ZC3H12B: variants seen among roughly 807,000 people sequenced by gnomAD.
The protein encoded by ZC3H12B is probable ribonuclease ZC3H12B.
In ZC3H12B, 7 loss-of-function variants were observed where a neutral mutation model predicts 43.9. That is an observed-to-expected ratio of 0.16 (90% CI 0.09 to 0.30). The LOEUF is 0.30. ZC3H12B is among the 10% of genes least tolerant of loss of function. ZC3H12B has a pLI of 1.00. For synonymous variants in ZC3H12B, 222 were observed against 241.7 expected, an observed-to-expected ratio of 0.92 and a Z score of 0.76; for missense variants, 475 against 670.2, an observed-to-expected ratio of 0.71 and a Z score of 3.22.
At chrX:65,307,290 CA>C in the ZC3H12B span, among the ~76,000 whole-genome samples, 2 of 111,590 alleles carry the variant, frequency 1.8e-5, no homozygotes, top group Non-Finnish European at 1.9e-5. Flanking sequence ...ACTCAAAAAG[CA>C]GAGATATGTG....
the ZC3H12B span, among the ~76,000 whole-genome samples, chrX:65,068,178 TTTTA>T: frequency 9.2e-6 from 1 of 108,964 alleles, no homozygotes; most frequent in African/African-American, 3.3e-5. Flanking sequence ...CTTTTTTCTT[TTTTA>T]TTCATTCAGC....
the ZC3H12B span, among the ~76,000 whole-genome samples, chrX:65,041,584 A>T: frequency 3.6e-5 from 4 of 112,184 alleles, no homozygotes; most frequent in South Asian, 1.5e-3. Flanking sequence ...CTGCTTTCAG[A>T]TGTTTTAAAA....
At chrX:65,114,026 T>TATATATATATATATATATATATAAAAATA in the ZC3H12B span, among the ~76,000 whole-genome samples, 1 of 82,590 alleles carries the variant, frequency 1.2e-5, no homozygotes, top group Admixed American at 1.5e-4. Flanking sequence ...TATATATATA[T>TATATATATATATATATATATATAAAAATA]TCATCTTTAG....
intron 3 of ZC3H12B, among the ~76,000 whole-genome samples, chrX:65,445,005 T>C (rs2067357730): frequency 8.9e-6 from 1 of 112,390 alleles, no homozygotes; most frequent in Non-Finnish European, 1.9e-5. Flanking sequence ...TGATGTATTC[T>C]TCAGTACACC....
chrX:65,143,783 G>A, the ZC3H12B span, among the ~76,000 whole-genome samples: 16 of 109,088 alleles, frequency 1.5e-4, no homozygotes, highest in African/African-American at 5.3e-4. Flanking sequence ...TGTCCATGCT[G>A]GTCTGGAACT....
At chrX:65,449,991 CA>C (rs1190135246) in intron 3 of ZC3H12B, among the ~76,000 whole-genome samples, 1 of 110,913 alleles carries the variant, frequency 9.0e-6, no homozygotes, top group Non-Finnish European at 1.9e-5. Flanking sequence ...ACTTGTACCC[CA>C]AAAGCTATTG....
the ZC3H12B span, among the ~76,000 whole-genome samples, chrX:65,077,345 G>A: frequency 8.9e-6 from 1 of 111,919 alleles, no homozygotes; most frequent in Non-Finnish European, 1.9e-5. Flanking sequence ...GGTTTGGAAT[G>A]GAAATTGGGT....
chrX:65,302,692 G>A, the ZC3H12B span, among the ~76,000 whole-genome samples: 1 of 111,749 alleles, frequency 8.9e-6, no homozygotes, highest in African/African-American at 3.2e-5. Flanking sequence ...AAAAGACCCA[G>A]AATAGCCAAC....
chrX:65,075,142 A>G, the ZC3H12B span, among the ~76,000 whole-genome samples: 1 of 112,364 alleles, frequency 8.9e-6, no homozygotes, highest in African/African-American at 3.2e-5. Context: ...GAGACATTTT[A>G]TGTGTATATT....
the ZC3H12B span, among the ~76,000 whole-genome samples, chrX:65,222,494 G>A: frequency 9.1e-6 from 1 of 109,734 alleles, no homozygotes; most frequent in Non-Finnish European, 1.9e-5. Context: ...ATTCAGCAAA[G>A]TTTTTCGATA....
At chrX:65,058,254 G>A in the ZC3H12B span, among the ~76,000 whole-genome samples, 1 of 111,682 alleles carries the variant, frequency 9.0e-6, no homozygotes, top group Non-Finnish European at 1.9e-5. Context: ...ATACAGATGG[G>A]GTTTTGGTGT....
At chrX:65,132,142 G>C in the ZC3H12B span, among the ~76,000 whole-genome samples, 1 of 111,128 alleles carries the variant, frequency 9.0e-6, no homozygotes, top group African/African-American at 3.3e-5. Flanking sequence ...TTAAGATCAA[G>C]AACGGAATAG....
At chrX:65,221,810 T>C in the ZC3H12B span, among the ~76,000 whole-genome samples, 1 of 109,772 alleles carries the variant, frequency 9.1e-6, no homozygotes, top group Non-Finnish European at 1.9e-5. Context: ...TTCCACAAGA[T>C]ATAAAAAAAA....
At chrX:65,233,501 T>C in the ZC3H12B span, among the ~76,000 whole-genome samples, 1 of 107,241 alleles carries the variant, frequency 9.3e-6, no homozygotes, top group African/African-American at 3.4e-5. Flanking sequence ...TGAATGACCA[T>C]TGGGCCAATG....
the ZC3H12B span, among the ~76,000 whole-genome samples, chrX:65,328,687 A>T: frequency 1.2e-5 from 1 of 80,705 alleles, no homozygotes; most frequent in Non-Finnish European, 2.4e-5. Flanking sequence ...TCCTAATGCT[A>T]TCCCTCCCCC....
At chrX:65,267,712 A>C in the ZC3H12B span, among the ~76,000 whole-genome samples, 2 of 111,964 alleles carry the variant, frequency 1.8e-5, no homozygotes, top group African/African-American at 6.5e-5. Flanking sequence ...GGAATTTTTA[A>C]GTATCTTGAG....
At chrX:65,107,892 G>A in the ZC3H12B span, among the ~76,000 whole-genome samples, 2 of 111,265 alleles carry the variant, frequency 1.8e-5, no homozygotes, top group South Asian at 7.5e-4. Context: ...ACTAATACAA[G>A]TCTATTACAC....
chrX:65,369,774 C>T (rs1281105302), intron 2 of ZC3H12B, among the ~76,000 whole-genome samples: 1 of 111,377 alleles, frequency 9.0e-6, no homozygotes, highest in South Asian at 3.8e-4. Context: ...ATAAGTGTAT[C>T]CTTTGTAAGT....
the ZC3H12B span, among the ~76,000 whole-genome samples, chrX:65,072,167 T>A: frequency 8.9e-6 from 1 of 112,404 alleles, no homozygotes; most frequent in Admixed American, 9.4e-5. Flanking sequence ...TTTTTCTGTA[T>A]TCTTTTCTGA....
Sources: gnomAD v4.1 joint callset for allele counts (sites outside exome capture counted in the v4.1 genomes callset) on GRCh38, gnomAD v4.1.1 for gene constraint, MANE v1.5 for transcripts, NCBI Gene and HGNC (gene_info 2026-07-23, HGNC 2026-07-21) for gene names.